The following SYN3 variants were observed in gnomAD, a reference collection of about 807,000 sequenced individuals.
The protein encoded by SYN3 is synapsin-3.
A neutral mutation model predicts 65.8 loss-of-function variants in SYN3; 35 were observed. The observed-to-expected ratio is 0.53, with a 90% CI of 0.41 to 0.70. The LOEUF (loss-of-function observed/expected upper bound fraction) is 0.70, where lower values mean the gene tolerates loss of function less well. Among genes scored for constraint, SYN3 ranks in the 30% least tolerant of loss-of-function variants. The probability of loss-of-function intolerance (pLI) is 0.00; values close to 1 mark genes in which losing one functional copy is unlikely to be tolerated. For missense variants in SYN3, 680 were observed against 749.0 expected (o/e 0.91, Z 1.08); for synonymous variants, 270 against 292.9 (o/e 0.92, Z 0.80).
At chr22:32,936,777 G>C (rs909991073) in intron 3 of SYN3, among the ~76,000 whole-genome samples, 1 of 152,126 alleles carries the variant, frequency 6.6e-6, no homozygotes, top group African/African-American at 2.4e-5. Flanking sequence ...AGTTTGTCCC[G>C]GTTTGCCTTG....
intron 6 of SYN3, among the ~76,000 whole-genome samples, chr22:32,671,078 T>C (rs2060354865): frequency 6.6e-6 from 1 of 152,230 alleles, no homozygotes. Context: ...GGTTTCAGTT[T>C]ACATATCTGT....
At chr22:33,045,274 C>T (rs1410170043) in intron 1 of SYN3, among the ~76,000 whole-genome samples, 2 of 152,162 alleles carry the variant, frequency 1.3e-5, no homozygotes, top group African/African-American at 4.8e-5. Context: ...TGACAGCACA[C>T]CTGGCTGTGT....
chr22:32,775,482 G>T (rs920810651), intron 6 of SYN3, among the ~76,000 whole-genome samples: 2 of 152,172 alleles, frequency 1.3e-5, no homozygotes, highest in African/African-American at 2.4e-5. Context: ...TCGACGAGGA[G>T]GGTGACTGAG....
intron 4 of SYN3, 116 bp from the exon 5 acceptor site, chr22:32,869,241 A>T (rs562959635): frequency 1.8e-6 from 2 of 1,118,968 alleles, no homozygotes; most frequent in African/African-American, 1.5e-5. Context: ...CTTAGTTCAG[A>T]AGTGGGAGCA....
intron 7 of SYN3, among the ~76,000 whole-genome samples, chr22:32,578,458 C>A (rs1459794769): frequency 1.3e-5 from 2 of 151,980 alleles, no homozygotes; most frequent in Non-Finnish European, 2.9e-5. Flanking sequence ...CCATGTAGCC[C>A]AGGTTGGTCT....
At chr22:32,739,270 C>G (rs574444739) in intron 6 of SYN3, among the ~76,000 whole-genome samples, 136 of 152,028 alleles carry the variant, frequency 8.9e-4, no homozygotes, top group Non-Finnish European at 1.7e-3. Flanking sequence ...TCACTTGGCT[C>G]TCATTCTCTC....
chr22:32,713,960 C>T (rs2061002593), intron 6 of SYN3, among the ~76,000 whole-genome samples: 1 of 152,124 alleles, frequency 6.6e-6, no homozygotes, highest in Non-Finnish European at 1.5e-5. Context: ...CCCAGTAACC[C>T]AGTTATGTGT....
intron 6 of SYN3, among the ~76,000 whole-genome samples, chr22:32,794,729 G>A (rs1427315375): frequency 6.6e-6 from 1 of 152,182 alleles, no homozygotes. Flanking sequence ...GGAGGTGAGT[G>A]AGAGAAGAGG....
chr22:32,642,454 T>TA (rs2059915291), intron 6 of SYN3, among the ~76,000 whole-genome samples: 1 of 151,868 alleles, frequency 6.6e-6, no homozygotes, highest in South Asian at 2.1e-4. Context: ...TTTATTTTTT[T>TA]AATTGAGATG....
intron 4 of SYN3, among the ~76,000 whole-genome samples, chr22:32,926,543 T>C (rs564829465): frequency 6.6e-6 from 1 of 152,324 alleles, no homozygotes; most frequent in African/African-American, 2.4e-5. Flanking sequence ...GTCTATTTTT[T>C]CCCCCAGACA....
chr22:33,031,646 T>G (rs1285292892), intron 1 of SYN3, among the ~76,000 whole-genome samples: 5 of 151,996 alleles, frequency 3.3e-5, no homozygotes, highest in Admixed American at 6.6e-5. Context: ...CCCTTCTCAT[T>G]TTCCACATCC....
chr22:32,830,612 G>A (rs1242032305), intron 6 of SYN3, among the ~76,000 whole-genome samples: 23 of 152,126 alleles, frequency 1.5e-4, no homozygotes, highest in Admixed American at 1.5e-3. Flanking sequence ...ATAGATATGC[G>A]AGTTAAAGGA....
At chr22:32,726,123 A>G (rs2061187530) in intron 6 of SYN3, among the ~76,000 whole-genome samples, 1 of 150,044 alleles carries the variant, frequency 6.7e-6, no homozygotes, top group South Asian at 2.1e-4. Flanking sequence ...TCTAGATAAT[A>G]ATAACTAGTA....
At chr22:32,600,784 C>G (rs2059270459) in intron 6 of SYN3, among the ~76,000 whole-genome samples, 1 of 151,800 alleles carries the variant, frequency 6.6e-6, no homozygotes. Flanking sequence ...GTCTCCTGGG[C>G]TCAAGCAATT....
chr22:32,836,819 C>T (rs949473233), intron 6 of SYN3, among the ~76,000 whole-genome samples: 3 of 152,178 alleles, frequency 2.0e-5, no homozygotes, highest in African/African-American at 7.2e-5. Flanking sequence ...TTAAAAGCCA[C>T]ATGAAGGGTA....
rs556354079 is a variant in SYN3, at chr22:32,903,418, T to G, written c.461+27972A>C. 2.6e-5 allele frequency among the ~76,000 whole-genome samples: 4 copies of G among 152,292 alleles called. No homozygotes were observed. In the South Asian group the frequency reaches 8.3e-4, roughly 32 times the overall value. ...TAAACATTCAAAACACCTACTTATA[T>G]ATAGTACAGGGAACTGCGCACACCA... On this transcript the variant is annotated intron_variant, in intron 4 of 13. Coordinates refer to ENST00000358763, the MANE Select transcript of SYN3 (RefSeq NM_003490.4).
intron 4 of SYN3, among the ~76,000 whole-genome samples, chr22:32,887,204 T>G (rs1169591017): frequency 6.6e-6 from 1 of 152,040 alleles, no homozygotes; most frequent in Non-Finnish European, 1.5e-5. Context: ...TAGTGAGACC[T>G]CATCTCTACC....
At chr22:32,744,425 T>A (rs5754244) in intron 6 of SYN3, among the ~76,000 whole-genome samples, 62,346 of 151,974 alleles carry the variant, frequency 0.41, 13,133 homozygotes, top group East Asian at 0.57. Context: ...TGCCTGCTTC[T>A]TACCTAACAG....
At chr22:32,686,293 G>A (rs1316487726) in intron 6 of SYN3, among the ~76,000 whole-genome samples, 3 of 152,096 alleles carry the variant, frequency 2.0e-5, no homozygotes, top group Non-Finnish European at 2.9e-5. Context: ...AGCAGGAGGA[G>A]AGTCTGTATC....
Sources: allele counts gnomAD v4.1 joint callset (sites outside exome capture counted in the v4.1 genomes callset), GRCh38; gene constraint gnomAD v4.1.1; transcripts MANE v1.5; gene names NCBI Gene and HGNC (gene_info 2026-07-23, HGNC 2026-07-21).